DENND2B: variants seen among roughly 807,000 people sequenced by gnomAD.
DENND2B encodes DENN domain-containing protein 2B.
In DENND2B, 32 loss-of-function variants were observed where a neutral mutation model predicts 116.0. That is an observed-to-expected ratio of 0.28 (90% CI 0.21 to 0.37). The LOEUF (loss-of-function observed/expected upper bound fraction) is 0.37. Among genes scored for constraint, DENND2B ranks in the 10% least tolerant of loss-of-function variants. The pLI is 1.00. For synonymous variants in DENND2B, 588 were observed against 583.9 expected (o/e 1.01, Z -0.10); for missense variants, 1,276 against 1,477.7 (o/e 0.86, Z 2.24).
At chr11:8,867,959 G>C (rs112209885) in intron 2 of DENND2B, among the ~76,000 whole-genome samples, 1 of 152,100 alleles carries the variant, frequency 6.6e-6, no homozygotes, top group African/African-American at 2.4e-5. Context: ...TTTAGGGCGA[G>C]GAAAAGCTTT....
At position 8,714,634 on chromosome 11, in the gene DENND2B, T is replaced by C. The variant is rs574886906; in HGVS notation, c.1918A>G (p.Ser640Gly). The change falls in exon 7 of 20, where the codon AGC (serine) becomes GGC (glycine). Residue 640 changes from serine to glycine, a missense_variant. Physicochemically the swap from Ser to Gly is moderately conservative, Grantham distance 56. Coordinates refer to ENST00000313726, the MANE Select transcript of DENND2B (RefSeq NM_213618.2). ...CCTCTCAGTGATGCTGTTTCAATGC[T>C]GGACATAGACAACTTTTTTAATCTC... ...KKRLKKLSMS[S>G]IETASLRDEN... The C allele has an allele frequency of 1.2e-6, 2 of 1,614,190 alleles. No homozygotes were observed. Among genetic ancestry groups the C allele is most frequent in the African/African-American group, 1.3e-5 (1 of 75,070 alleles).
At chr11:8,818,232 C>G (rs1008533765) in intron 4 of DENND2B, among the ~76,000 whole-genome samples, 2 of 149,952 alleles carry the variant, frequency 1.3e-5, no homozygotes, top group Non-Finnish European at 3.0e-5. Flanking sequence ...CACCGTACTC[C>G]AGCCTGGGCA....
In DENND2B at chr11:8,810,638, T is replaced by TC. The variant is rs1212567957; in HGVS notation, c.-148dup. On this transcript the variant is annotated 5_prime_UTR_variant, in exon 1 of 20. Coordinates refer to ENST00000313726, the MANE Select transcript of DENND2B (RefSeq NM_213618.2). ...CTGCTGCGAGCTTCCCACAGCTCCT[T>TC]CCTCTGACCTTTCGTGGCGCTCCTC... is the stretch of plus-strand genomic sequence containing the variant. 1 of 152,310 alleles carries TC rather than the reference T, an allele frequency of 6.6e-6. No homozygotes were observed. Among genetic ancestry groups the TC allele is most frequent in the Non-Finnish European group, 1.5e-5 (1 of 68,094 alleles). The allele number at this position is 152,310 out of a possible 1,614,324, so 9.4% of individuals were successfully genotyped here.
chr11:8,800,378 G>A (rs978289501), intron 1 of DENND2B, among the ~76,000 whole-genome samples: 9 of 152,144 alleles, frequency 5.9e-5, no homozygotes, highest in Admixed American at 6.5e-5. Context: ...TAAGGAGTAC[G>A]GGGCACAGTT....
At chr11:8,792,779 T>C (rs150074460) in intron 1 of DENND2B, among the ~76,000 whole-genome samples, 61 of 152,350 alleles carry the variant, frequency 4.0e-4, no homozygotes, top group South Asian at 2.5e-3. Context: ...AACACCTGTG[T>C]TGGGCCAGGG....
chr11:8,812,546 GAAATA>G (rs1480244181), upstream of DENND2B, among the ~76,000 whole-genome samples: 1 of 152,032 alleles, frequency 6.6e-6, no homozygotes, highest in Non-Finnish European at 1.5e-5. Flanking sequence ...ATGGAACCAG[GAAATA>G]AAATCTAGAA....
upstream of DENND2B, among the ~76,000 whole-genome samples, chr11:8,873,020 G>C (rs1232943549): frequency 6.6e-6 from 1 of 152,112 alleles, no homozygotes; most frequent in Non-Finnish European, 1.5e-5. Context: ...GGATGGTTCT[G>C]CCCCAAACGT....
chr11:8,702,500 G>A lies in DENND2B; in HGVS notation c.2720+72C>T, dbSNP rs573339872. ...GTCTCCGGCGCCTGCTTAGGCTCCT[G>A]AACACTTGCTGATTCGCTTGTGGGT... On this transcript the variant is annotated intron_variant, in intron 14 of 19. Coordinates refer to ENST00000313726, the MANE Select transcript of DENND2B (RefSeq NM_213618.2). This position sits in a 1 kb window ranked among gnomAD's most constrained non-coding sequence, Gnocchi z 4.6. 2 of 1,595,148 alleles carry A rather than the reference G, an allele frequency of 1.3e-6. No individual in the cohort carries two copies. The highest frequency in any genetic ancestry group is 1.7e-5 in the Admixed American group (1 of 59,354).
intron 1 of DENND2B, chr11:8,766,738 T>C (rs935910370): frequency 2.0e-5 from 24 of 1,213,100 alleles, no homozygotes; most frequent in Middle Eastern, 2.2e-4. Context: ...GTTGATACAA[T>C]AGTCAACTGT....
At chr11:8,748,048 C>A (rs760863435) in intron 2 of DENND2B, among the ~76,000 whole-genome samples, 4 of 152,250 alleles carry the variant, frequency 2.6e-5, no homozygotes, top group East Asian at 1.9e-4. Flanking sequence ...CCTCTTCCAC[C>A]AAAGCTGGAT....
chr11:8,869,229 A>C lies in DENND2B; in HGVS notation c.-250+1725T>G, dbSNP rs997776592. Among the ~76,000 whole-genome samples the C allele has an allele frequency of 3.3e-5, 5 of 152,376 alleles. No homozygotes were observed. In the East Asian group the frequency reaches 9.6e-4, roughly 29 times the overall value. Reference sequence around the variant, plus strand: ...TCCAATCTAAGCGTTCAGTAAAAAAATACTTTTAAGGTAAGAGTTGCCTTG... The same window carrying C: ...TCCAATCTAAGCGTTCAGTAAAAAACTACTTTTAAGGTAAGAGTTGCCTTG... On this transcript the variant is annotated intron_variant, in intron 2 of 6. Coordinates refer to the DENND2B transcript ENST00000524757.
chr11:8,843,793 C>A (rs541244751), intron 3 of DENND2B, among the ~76,000 whole-genome samples: 105 of 152,304 alleles, frequency 6.9e-4, no homozygotes, highest in African/African-American at 2.4e-3. Flanking sequence ...TTTGCACACA[C>A]CACTCCCTCT....
chr11:8,823,649 T>G (rs548062591), intron 4 of DENND2B, among the ~76,000 whole-genome samples: 2 of 152,298 alleles, frequency 1.3e-5, no homozygotes, highest in African/African-American at 4.8e-5. Context: ...TTCTCTCTCC[T>G]GCCACCCTGT....
chr11:8,715,431 G>A, intron 6 of DENND2B, 172 bp downstream of exon 6: 1 of 635,162 alleles, frequency 1.6e-6, no homozygotes, highest in Non-Finnish European at 2.7e-6. Context: ...TGATAAGAAA[G>A]GGGAATTAAT....
intron 1 of DENND2B, chr11:8,766,803 G>T: frequency 1.7e-6 from 1 of 575,872 alleles, no homozygotes; most frequent in Non-Finnish European, 2.9e-6. Context: ...CTGGGTTGGA[G>T]AATGTGACAG....
chr11:8,829,343 A>C (rs1490169282), intron 4 of DENND2B, among the ~76,000 whole-genome samples: 1 of 152,250 alleles, frequency 6.6e-6, no homozygotes, highest in Middle Eastern at 3.4e-3. Flanking sequence ...GTGTCTTTGC[A>C]GTCAGCTTCC....
intron 1 of DENND2B, among the ~76,000 whole-genome samples, chr11:8,768,280 G>A (rs572865743): frequency 2.6e-5 from 4 of 152,158 alleles, no homozygotes; most frequent in Non-Finnish European, 5.9e-5. Flanking sequence ...ATTAGGTCTT[G>A]CTCTGTCTCC....
At chr11:8,878,226 A>G (rs1354262737) in intron 2 of DENND2B, among the ~76,000 whole-genome samples, 1 of 152,228 alleles carries the variant, frequency 6.6e-6, no homozygotes, top group African/African-American at 2.4e-5. Flanking sequence ...TGGTTCCTCA[A>G]AAAGTTAAAC....
chr11:8,802,480 G>T (rs1030910336), intron 1 of DENND2B, among the ~76,000 whole-genome samples: 3 of 152,200 alleles, frequency 2.0e-5, no homozygotes, highest in African/African-American at 7.2e-5. Flanking sequence ...TTTTACGGAA[G>T]AGGAACCAGG....
Sources: allele counts gnomAD v4.1 joint callset (sites outside exome capture counted in the v4.1 genomes callset), GRCh38; gene constraint gnomAD v4.1.1; non-coding constraint Gnocchi (gnomAD v3.1); transcripts MANE v1.5; gene names NCBI Gene and HGNC (gene_info 2026-07-23, HGNC 2026-07-21).